FCHO1: variants seen among roughly 807,000 people sequenced by gnomAD.
The protein encoded by FCHO1 is F-BAR domain only protein 1.
FCHO1 carries 45 observed loss-of-function variants against 114.4 expected under a neutral mutation model. The observed-to-expected ratio is 0.39, with a 90% CI of 0.31 to 0.50. FCHO1 has a LOEUF of 0.50. FCHO1 is among the 20% of genes least tolerant of loss of function. The probability of loss-of-function intolerance (pLI) is 0.77; values close to 1 mark genes in which losing one functional copy is unlikely to be tolerated. For missense variants in FCHO1, 1,042 were observed against 1,209.6 expected, an observed-to-expected ratio of 0.86 and a Z score of 2.06; for synonymous variants, 480 against 488.9, an observed-to-expected ratio of 0.98 and a Z score of 0.24.
chr19:17,787,783 G>T lies in FCHO1; in HGVS notation c.2584G>T (p.Val862Leu), dbSNP rs202195319. The change falls in exon 28 of 29, where the codon GTG (valine) becomes TTG (leucine). Residue 862 changes from valine (V) to leucine (L), a missense_variant. Coordinates refer to ENST00000596536, the MANE Select transcript of FCHO1 (RefSeq NM_015122.3). Reference protein sequence around the residue: ...FTSEGTTLSGVDLELVGSGYR... With the variant: ...FTSEGTTLSGLDLELVGSGYR... Reference sequence around the variant, plus strand: ...CAGCGAGGGGACCACTCTGTCGGGCGTGGACTTGGAACTGGTGGGCAGCGG... The same window carrying T: ...CAGCGAGGGGACCACTCTGTCGGGCTTGGACTTGGAACTGGTGGGCAGCGG... The T allele has an allele frequency of 9.3e-6, 15 of 1,612,612 alleles. No individual in the cohort carries two copies. Among genetic ancestry groups the T allele is most frequent in the Non-Finnish European group, 1.2e-5 (14 of 1,179,690 alleles).
intron 4 of FCHO1, among the ~76,000 whole-genome samples, chr19:17,759,837 C>T (rs1340978367): frequency 6.6e-6 from 1 of 151,864 alleles, no homozygotes; most frequent in Admixed American, 6.6e-5. Flanking sequence ...CATGTTTAAT[C>T]TATATTGGTC....
At chr19:17,782,650 T>C (rs1302815668) in intron 23 of FCHO1, among the ~76,000 whole-genome samples, 1 of 152,114 alleles carries the variant, frequency 6.6e-6, no homozygotes, top group Non-Finnish European at 1.5e-5. Flanking sequence ...GGGATATATA[T>C]TGGGGTGGCC....
In FCHO1 at chr19:17,775,083, G is replaced by A. The variant is rs769062114; in HGVS notation, c.945+3G>A. ...ATTTCCTGGAGCCCGATTCAGGGGT[G>A]AGTGATGTGGGAGGGGTCAGGCTGG... is the stretch of plus-strand genomic sequence containing the variant. On this transcript the variant is annotated splice_donor_region_variant and intron_variant, in intron 14 of 28. Transcript: ENST00000596536. This position sits in a 1 kb window ranked among gnomAD's most constrained non-coding sequence, Gnocchi z 5.1. The A allele has an allele frequency of 6.2e-7, 1 of 1,612,906 alleles. No homozygotes were observed. The highest frequency in any genetic ancestry group is 2.2e-5 in the East Asian group (1 of 44,854).
chr19:17,775,118 G>A lies in FCHO1; in HGVS notation c.945+38G>A, dbSNP rs773410422. ...GGAGGGGTCAGGCTGGGCTACAAGT[G>A]GAAGGAGTTTGATCCCACTCTTGGC... On this transcript the variant is annotated intron_variant, in intron 14 of 28. Coordinates refer to ENST00000596536, the MANE Select transcript of FCHO1 (RefSeq NM_015122.3). This position sits in a 1 kb window ranked among gnomAD's most constrained non-coding sequence, Gnocchi z 5.1. 1.2e-6 allele frequency: 2 copies of A among 1,601,600 alleles called. No homozygotes were observed. Among genetic ancestry groups the A allele is most frequent in the Non-Finnish European group, 1.7e-6 (2 of 1,172,594 alleles).
chr19:17,775,369 G>GGGGCA lies in FCHO1; in HGVS notation c.946-82_946-78dup. The GGGGCA allele has an allele frequency of 7.3e-7, 1 of 1,371,170 alleles. No individual in the cohort carries two copies. The highest frequency in any genetic ancestry group is 1.0e-6 in the Non-Finnish European group (1 of 960,174). The allele number at this position is 1,371,170 out of a possible 1,614,324, so 84.9% of individuals were successfully genotyped here. A position where few individuals can be genotyped will look rare whatever the true frequency, so the allele number is the denominator to read the frequency against. On this transcript the variant is annotated intron_variant, in intron 14 of 28. Coordinates refer to ENST00000596536, the MANE Select transcript of FCHO1 (RefSeq NM_015122.3). This position sits in a 1 kb window ranked among gnomAD's most constrained non-coding sequence, Gnocchi z 5.1. ...GTTTTGAGGTCTGAGTCAAGGCCTGGGGGCAGGGCGGGGGGCGGTTGGCAG... is the reference window on the plus strand; with the variant it reads ...GTTTTGAGGTCTGAGTCAAGGCCTGGGGGCAGGGCAGGGCGGGGGGCGGTTGGCAG...
intron 6 of FCHO1, 75 bp downstream of exon 6, chr19:17,764,524 G>A (rs1393195419): frequency 3.2e-6 from 4 of 1,259,790 alleles, no homozygotes; most frequent in Non-Finnish European, 4.5e-6. Flanking sequence ...CACACTCGGT[G>A]CATGTAGAAT....
In FCHO1 at chr19:17,751,565, G is replaced by T. The variant is rs1390085585; in HGVS notation, c.-195G>T. 6.6e-6 allele frequency: 1 copy of T among 152,480 alleles called. No individual in the cohort carries two copies. Among genetic ancestry groups the T allele is most frequent in the African/African-American group, 2.4e-5 (1 of 41,464 alleles). 9.4% of individuals were successfully genotyped at this position (152,480 alleles called of 1,614,324 possible). A position where few individuals can be genotyped will look rare whatever the true frequency, so the allele number is the denominator to read the frequency against. ...GTCAGACAGGGGCCCCATCCCACTC[G>T]CTACCCTGTCCGGTGAGTTTGAGCC... On this transcript the variant is annotated 5_prime_UTR_variant, in exon 1 of 29. Coordinates refer to ENST00000596536, the MANE Select transcript of FCHO1 (RefSeq NM_015122.3). This position sits in a 1 kb window ranked among gnomAD's most constrained non-coding sequence, Gnocchi z 4.4.
chr19:17,781,306 AGGT>A lies in FCHO1; in HGVS notation c.1705_1707del (p.Val569del). The A allele has an allele frequency of 6.2e-7, 1 of 1,613,996 alleles. No homozygotes were observed. Among genetic ancestry groups the A allele is most frequent in the African/African-American group, 1.3e-5 (1 of 75,042 alleles). On this transcript the variant is annotated inframe_deletion, in exon 21 of 29. Coordinates refer to ENST00000596536, the MANE Select transcript of FCHO1 (RefSeq NM_015122.3). ...CCACCCAGGAGACTTCGCTCTAGGA[AGGT>A]GTCCTGCCCTCTCACACGTAGCAAT...
At position 17,781,836 on chromosome 19, in the gene FCHO1, C is replaced by A; in HGVS notation, c.1937+16C>A. The A allele has an allele frequency of 6.6e-7, 1 of 1,524,442 alleles. No individual in the cohort carries two copies. The highest frequency in any genetic ancestry group is 8.9e-7 in the Non-Finnish European group (1 of 1,121,504). The allele number at this position is 1,524,442 out of a possible 1,614,324, so 94.4% of individuals were successfully genotyped here. On this transcript the variant is annotated intron_variant, in intron 23 of 28. Transcript: ENST00000596536. ...ACAGCCCCAGGTACCCAGTGATGGG[C>A]AGACAGGGCCCGTGGGAAGTCTGTG...
intron 27 of FCHO1, 107 bp downstream of exon 27, chr19:17,786,736 AT>A (rs2093931880): frequency 8.2e-7 from 1 of 1,225,660 alleles, no homozygotes; most frequent in African/African-American, 1.5e-5. Flanking sequence ...GCGGGCAAGT[AT>A]GGGCATTGAG....
intron 4 of FCHO1, among the ~76,000 whole-genome samples, chr19:17,756,533 A>G (rs2083568533): frequency 6.6e-6 from 1 of 152,230 alleles, no homozygotes; most frequent in South Asian, 2.1e-4. Context: ...AGAATGGTTA[A>G]GAGCTTTGAG....
At chr19:17,787,611 C>T in intron 27 of FCHO1, 71 bp from the exon 28 acceptor site, 1 of 1,477,888 alleles carries the variant, frequency 6.8e-7, no homozygotes, top group Non-Finnish European at 9.0e-7. Flanking sequence ...AGGTGTGGGC[C>T]AAAGATGAGC....
chr19:17,758,397 A>G (rs2084648864), intron 4 of FCHO1, among the ~76,000 whole-genome samples: 1 of 152,060 alleles, frequency 6.6e-6, no homozygotes, highest in Non-Finnish European at 1.5e-5. Flanking sequence ...AATAGCCTGG[A>G]CAAAATGTGG....
At chr19:17,759,046 G>A (rs1250248860) in intron 4 of FCHO1, among the ~76,000 whole-genome samples, 3 of 151,906 alleles carry the variant, frequency 2.0e-5, no homozygotes, top group South Asian at 2.1e-4. Context: ...GTTGGAGGAG[G>A]GCACAGGAAA....
intron 23 of FCHO1, 94 bp downstream of exon 23, chr19:17,781,914 T>C: frequency 5.9e-6 from 5 of 843,060 alleles, no homozygotes; most frequent in East Asian, 2.7e-5. Flanking sequence ...GTCTGTCTTA[T>C]AGTGAAAGGG....
Position 17,785,990 on chromosome 19 carries a change from A to G in FCHO1, c.2427-584A>G, listed in dbSNP as rs538008472. On this transcript the variant is annotated intron_variant, in intron 26 of 28. Transcript: ENST00000596536. ...AAAAACAAAAATTTAAAAAAAAAAA[A>G]GTCTGTTGTGAAGAAGCCAGACTTA... Among the ~76,000 whole-genome samples, 45 of 151,564 alleles carry G rather than the reference A, an allele frequency of 3.0e-4. 1 individual carries two copies. The South Asian group carries it at 5.6e-3, about 19-fold the overall frequency.
chr19:17,763,856 C>T (rs907626621), intron 5 of FCHO1, among the ~76,000 whole-genome samples: 3 of 151,910 alleles, frequency 2.0e-5, no homozygotes, highest in Non-Finnish European at 4.4e-5. Context: ...AGTCACCATG[C>T]CCAGCCTACT....
Position 17,781,712 on chromosome 19 carries a change from G to C in FCHO1, c.1829G>C (p.Gly610Ala). ...CCCATTCCCTCTCCACCACCCCCAG[G>C]AGTCTCCCGGGGTCCGAGCCCTGTG... The part of the protein sequence containing the change: ...RPSFLSQTGH[G>A]VSRGPSPVVL... Residue 610 changes from glycine (G) to alanine (A), a missense_variant and splice_region_variant, in exon 23 of 29, where the codon GGA becomes GCA. By Grantham distance (60) the Gly-to-Ala change is moderately conservative. Transcript: ENST00000596536. 1 of 1,600,214 alleles carries C rather than the reference G, an allele frequency of 6.2e-7. No individual in the cohort carries two copies. The highest frequency in any genetic ancestry group is 8.5e-7 in the Non-Finnish European group (1 of 1,173,242).
rs1259867339 is a variant in FCHO1, at chr19:17,778,630, C to T, written c.1373C>T (p.Thr458Ile). ...DFTGSSSLGF[T>I]SSPSPFSSSS... ...CAAGGCTCTAGCAGCCTGGGCTTCA[C>T]CTCCAGCCCCTCCCCTTTCTCCTCC... The change falls in exon 20 of 29, where the codon ACC becomes ATC. Residue 458 changes from threonine to isoleucine, a missense_variant. By Grantham distance (89) the Thr-to-Ile change is moderately conservative (BLOSUM62 -1). Around this residue, in one of 3 missense-constraint regions of FCHO1, gnomAD observed 455 missense variants for 455.4 expected, o/e 1.00. Coordinates refer to ENST00000596536, the MANE Select transcript of FCHO1 (RefSeq NM_015122.3). The T allele has an allele frequency of 8.9e-6, 14 of 1,573,900 alleles. No individual in the cohort carries two copies. Among genetic ancestry groups the T allele is most frequent in the East Asian group, 2.4e-5 (1 of 42,498 alleles).
Sources: allele counts gnomAD v4.1 joint callset (sites outside exome capture counted in the v4.1 genomes callset), GRCh38; gene constraint gnomAD v4.1.1; regional missense constraint gnomAD v4.1.1; non-coding constraint Gnocchi (gnomAD v3.1); transcripts MANE v1.5; gene names NCBI Gene and HGNC (gene_info 2026-07-23, HGNC 2026-07-21).